The following HGF variants were observed in gnomAD, a reference collection of about 807,000 sequenced individuals.
The protein encoded by HGF is fibroblast-derived tumor cytotoxic factor.
HGF carries 39 observed loss-of-function variants against 111.6 expected under a neutral mutation model. The observed-to-expected ratio is 0.35, with a 90% confidence interval of 0.27 to 0.46. The LOEUF is 0.46. Among genes scored for constraint, HGF ranks in the 20% least tolerant of loss-of-function variants. The pLI is 1.00. For missense variants in HGF, 735 were observed against 910.5 expected, an observed-to-expected ratio of 0.81 and a Z score of 2.48; for synonymous variants, 285 against 294.8, an observed-to-expected ratio of 0.97 and a Z score of 0.34.
intron 1 of HGF, among the ~76,000 whole-genome samples, chr7:81,763,453 A>C (rs1789202616): frequency 6.6e-6 from 1 of 152,130 alleles, no homozygotes; most frequent in Non-Finnish European, 1.5e-5. Context: ...ATTTCTTGGT[A>C]TCACCGAACT....
intron 7 of HGF, chr7:81,743,064 C>G: frequency 1.0e-6 from 1 of 956,202 alleles, no homozygotes; most frequent in South Asian, 1.4e-5. Context: ...CTTTTTCTCT[C>G]TCTGTGGTTT....
intron 8 of HGF, among the ~76,000 whole-genome samples, chr7:81,727,591 C>G (rs901027186): frequency 6.7e-6 from 1 of 148,314 alleles, no homozygotes; most frequent in African/African-American, 2.5e-5. Context: ...TAAAAAAAAT[C>G]TATGTCAGTA....
Position 81,699,079 on chromosome 7 carries a change from C to T in HGF, c.*3502G>A, listed in dbSNP as rs975852753. 13 of 151,176 alleles carry T rather than the reference C, an allele frequency of 8.6e-5. No homozygotes were observed. Among genetic ancestry groups the T allele is most frequent in the African/African-American group, 2.4e-4 (10 of 41,298 alleles). The allele number at this position is 151,176 out of a possible 1,614,324, so 9.4% of individuals were successfully genotyped here. On this transcript the variant is annotated 3_prime_UTR_variant, in exon 18 of 18. Transcript: ENST00000222390. ...ATAAAAATAACAACTTTATTAACTA[C>T]AGAAAGTTTATAATACAAGTCATAA...
chr7:81,732,375 G>A (rs1047067574), intron 7 of HGF, among the ~76,000 whole-genome samples: 2 of 152,296 alleles, frequency 1.3e-5, no homozygotes, highest in East Asian at 1.9e-4. Flanking sequence ...CCTCTACTAT[G>A]TGAAGGTAAC....
intron 7 of HGF, among the ~76,000 whole-genome samples, chr7:81,740,402 AC>A (rs2115996362): frequency 6.6e-6 from 1 of 152,290 alleles, no homozygotes; most frequent in South Asian, 2.1e-4. Context: ...CCAGATCCCC[AC>A]CAACTTGTGT....
intron 7 of HGF, among the ~76,000 whole-genome samples, chr7:81,730,782 G>A (rs1265789849): frequency 6.6e-6 from 1 of 152,072 alleles, no homozygotes; most frequent in African/African-American, 2.4e-5. Flanking sequence ...AATGTTTATG[G>A]TTTGATAAAA....
At chr7:81,746,283 G>T (rs941508844) in intron 5 of HGF, among the ~76,000 whole-genome samples, 52 of 152,034 alleles carry the variant, frequency 3.4e-4, no homozygotes, top group African/African-American at 1.2e-3. Context: ...AGGCCAACTC[G>T]GCTTCCCTTC....
chr7:81,738,949 T>C (rs1787919814), intron 7 of HGF, among the ~76,000 whole-genome samples: 1 of 152,146 alleles, frequency 6.6e-6, no homozygotes, highest in African/African-American at 2.4e-5. Context: ...GAATTGCTGA[T>C]GCCCAAGGCT....
chr7:81,767,938 A>C (rs539320445), intron 1 of HGF, among the ~76,000 whole-genome samples: 1 of 152,328 alleles, frequency 6.6e-6, no homozygotes, highest in South Asian at 2.1e-4. Flanking sequence ...AAAAAAAACT[A>C]TCAAACTGGC....
Position 81,762,726 on chromosome 7 carries a change from C to G in HGF, c.235G>C (p.Gly79Arg), listed in dbSNP as rs1334367755. Reference sequence around the variant, plus strand: ...ACTTACTTGCAAGTGAATGGAAGTCCTTTATTCCTAGTACATCTATTAGCA... The same window carrying G: ...ACTTACTTGCAAGTGAATGGAAGTCGTTTATTCCTAGTACATCTATTAGCA... ...QCANRCTRNK[G>R]LPFTCKAFVF... Residue 79 changes from glycine to arginine, a missense_variant, in exon 2 of 18, where the codon GGA (glycine) becomes CGA (arginine). Gly to Arg is a moderately radical substitution (Grantham distance 125). This residue lies in a region of HGF where 553 missense variants were observed against 685.6 expected (regional missense o/e 0.81). Coordinates refer to ENST00000222390, the MANE Select transcript of HGF (RefSeq NM_000601.6). The G allele has an allele frequency of 1.2e-6, 2 of 1,612,642 alleles. No individual in the cohort carries two copies. Among genetic ancestry groups the G allele is most frequent in the Non-Finnish European group, 1.7e-6 (2 of 1,179,064 alleles).
intron 5 of HGF, among the ~76,000 whole-genome samples, chr7:81,750,555 C>A (rs1381572904): frequency 6.6e-6 from 1 of 152,144 alleles, no homozygotes; most frequent in African/African-American, 2.4e-5. Context: ...TCAAGGACTT[C>A]TTTTCTAGCA....
At position 81,699,380 on chromosome 7, in the gene HGF, C is replaced by T. The variant is rs1789222520; in HGVS notation, c.*3201G>A. 6.6e-6 allele frequency: 1 copy of T among 151,462 alleles called. No individual in the cohort carries two copies. The highest frequency in any genetic ancestry group is 1.5e-5 in the Non-Finnish European group (1 of 67,652). 9.4% of individuals were successfully genotyped at this position (151,462 alleles called of 1,614,324 possible). A position where few individuals can be genotyped will look rare whatever the true frequency, so the allele number is the denominator to read the frequency against. On this transcript the variant is annotated 3_prime_UTR_variant, in exon 18 of 18. Coordinates refer to ENST00000222390, the MANE Select transcript of HGF (RefSeq NM_000601.6). ...TGTTGAATGATAACTTCTTTTTGGA[C>T]TTTATCATGACAAGTGATTTATTTT... is the stretch of plus-strand genomic sequence containing the variant.
chr7:81,769,883 C>T lies in HGF; in HGVS notation c.88+1G>A, dbSNP rs2116293377. 1 of 1,561,548 alleles carries T rather than the reference C, an allele frequency of 6.4e-7. No homozygotes were observed. Among genetic ancestry groups the T allele is most frequent in the Non-Finnish European group, 8.7e-7 (1 of 1,151,478 alleles). On this transcript the variant is annotated splice_donor_variant, in intron 1 of 17. Transcript: ENST00000222390. LOFTEE classifies it high-confidence loss of function. ...TAATGAAGAAGAAGAAGGGAACTAA[C>T]CTGCATAGGGGATGGCGATGGGGAG...
intron 1 of HGF, among the ~76,000 whole-genome samples, chr7:81,768,454 A>G (rs1246689177): frequency 6.6e-6 from 1 of 152,094 alleles, no homozygotes; most frequent in African/African-American, 2.4e-5. Flanking sequence ...ATCTCGGCTC[A>G]CTGCAACCCC....
At chr7:81,731,579 A>G (rs189282130) in intron 7 of HGF, among the ~76,000 whole-genome samples, 47 of 152,318 alleles carry the variant, frequency 3.1e-4, no homozygotes, top group African/African-American at 1.0e-3. Flanking sequence ...TTGGTGAAAT[A>G]CAAAATAAGA....
intron 7 of HGF, among the ~76,000 whole-genome samples, chr7:81,735,405 C>T (rs563037235): frequency 5.3e-5 from 8 of 152,116 alleles, no homozygotes; most frequent in Middle Eastern, 3.4e-3. Context: ...AGGGTATTGA[C>T]GGCATTGTTT....
In HGF at chr7:81,707,272, G is replaced by A; in HGVS notation, c.1616+18C>T. 6.8e-7 allele frequency: 1 copy of A among 1,470,660 alleles called. No individual in the cohort carries two copies. The highest frequency in any genetic ancestry group is 9.5e-7 in the Non-Finnish European group (1 of 1,050,380). 91.1% of individuals were successfully genotyped at this position (1,470,660 alleles called of 1,614,324 possible). On this transcript the variant is annotated intron_variant, in intron 14 of 17. Coordinates refer to ENST00000222390, the MANE Select transcript of HGF (RefSeq NM_000601.6). ...ATTTTAAAGGCTCAAAATAATACTA[G>A]TTTTAAAAACACTTTACCGAGAAGG...
At chr7:81,764,138 A>T (rs1403247143) in intron 1 of HGF, among the ~76,000 whole-genome samples, 3 of 152,140 alleles carry the variant, frequency 2.0e-5, no homozygotes, top group Admixed American at 6.6e-5. Context: ...ATTTGTGTGC[A>T]CAAAATTTGG....
chr7:81,759,725 T>C (rs1243977024), intron 2 of HGF, among the ~76,000 whole-genome samples: 1 of 151,932 alleles, frequency 6.6e-6, no homozygotes, highest in Non-Finnish European at 1.5e-5. Flanking sequence ...AGTATGGTCT[T>C]GATCTCCTGA....
Sources: allele counts gnomAD v4.1 joint callset (sites outside exome capture counted in the v4.1 genomes callset), GRCh38; gene constraint gnomAD v4.1.1; regional missense constraint gnomAD v4.1.1; transcripts MANE v1.5; gene names NCBI Gene and HGNC (gene_info 2026-07-23, HGNC 2026-07-21).